The following CDH13 variants were observed in gnomAD, a reference collection of about 807,000 sequenced individuals.
The protein encoded by CDH13 is cadherin-13.
Under a neutral mutation model 63.8 loss-of-function variants are expected in CDH13, and 24 were observed. The ratio of observed to expected loss-of-function variants is 0.38; its 90% CI spans 0.27 to 0.53. The LOEUF is 0.53. Ranked by LOEUF, CDH13 falls within the 20% of genes least tolerant of loss-of-function variation. The pLI is 0.85. For synonymous variants in CDH13, 503 were observed against 355.3 expected (o/e 1.42, Z -4.67); for missense variants, 1,049 against 903.1 (o/e 1.16, Z -2.07).
chr16:83,726,133 G>C (rs1910355990), intron 10 of CDH13: 1 of 152,178 alleles, frequency 6.6e-6, no homozygotes, highest in African/African-American at 2.4e-5. Flanking sequence ...TCCCACAAGG[G>C]ATAATTTTAT....
intron 8 of CDH13, among the ~76,000 whole-genome samples, chr16:83,608,361 C>T (rs1394296380): frequency 1.3e-5 from 2 of 152,188 alleles, no homozygotes; most frequent in Non-Finnish European, 2.9e-5. Context: ...GAGCCATAGG[C>T]AGAAATTCAC....
chr16:83,690,912 G>A (rs1904792225), intron 10 of CDH13, among the ~76,000 whole-genome samples: 1 of 151,950 alleles, frequency 6.6e-6, no homozygotes, highest in Admixed American at 6.6e-5. Context: ...AATAAAGATG[G>A]GGCTTCACCA....
chr16:83,083,862 C>T (rs2033416388), intron 3 of CDH13, among the ~76,000 whole-genome samples: 1 of 152,166 alleles, frequency 6.6e-6, no homozygotes, highest in Non-Finnish European at 1.5e-5. Context: ...ATTTGCCTAT[C>T]CCAAGTTATG....
At chr16:82,882,855 A>T (rs775696503) in intron 2 of CDH13, among the ~76,000 whole-genome samples, 3 of 151,954 alleles carry the variant, frequency 2.0e-5, no homozygotes, top group Non-Finnish European at 4.4e-5. Context: ...CCTTCTTGGG[A>T]TATTAGGAGA....
intron 1 of CDH13, among the ~76,000 whole-genome samples, chr16:82,852,992 A>G (rs1721678020): frequency 6.6e-6 from 1 of 152,234 alleles, no homozygotes; most frequent in Non-Finnish European, 1.5e-5. Context: ...TTTCTTTTTA[A>G]GAAAGAACGA....
At chr16:83,202,517 A>G (rs542229047) in intron 4 of CDH13, among the ~76,000 whole-genome samples, 4 of 152,346 alleles carry the variant, frequency 2.6e-5, no homozygotes, top group South Asian at 2.1e-4. Context: ...CATCCTTCCA[A>G]TGAAGGCACA....
intron 7 of CDH13, among the ~76,000 whole-genome samples, chr16:83,512,646 C>T (rs1211807290): frequency 1.3e-5 from 2 of 148,972 alleles, no homozygotes; most frequent in African/African-American, 5.0e-5. Flanking sequence ...CCAGCCTTGG[C>T]AACAGAGTGA....
chr16:83,783,349 A>G lies in CDH13; in HGVS notation c.2011A>G (p.Asn671Asp), dbSNP rs1431065194. Reference protein sequence around the residue: ...VTDSGKPPMTNITDLRVQVCS... With the variant: ...VTDSGKPPMTDITDLRVQVCS... The stretch of plus-strand genomic sequence containing the variant: ...AGATTCAGGGAAACCACCCATGACG[A>G]ATATCACAGATCTCAGGGTACAAGT... Residue 671 changes from asparagine (N) to aspartate (D), a missense_variant, in exon 13 of 14, where the codon AAT (asparagine) becomes GAT (aspartate). By Grantham distance (23) the Asn-to-Asp change is conservative (BLOSUM62 1). Coordinates refer to ENST00000567109, the MANE Select transcript of CDH13 (RefSeq NM_001257.5). 1.9e-6 allele frequency: 3 copies of G among 1,613,866 alleles called. No individual in the cohort carries two copies. The highest frequency in any genetic ancestry group is 2.5e-6 in the Non-Finnish European group (3 of 1,179,864).
intron 6 of CDH13, among the ~76,000 whole-genome samples, chr16:83,406,832 C>T (rs1400631820): frequency 6.6e-6 from 1 of 152,116 alleles, no homozygotes; most frequent in African/African-American, 2.4e-5. Context: ...TTTTTTTTGT[C>T]TATCAATGAA....
At chr16:83,105,953 A>G (rs1286182187) in intron 3 of CDH13, among the ~76,000 whole-genome samples, 1 of 152,222 alleles carries the variant, frequency 6.6e-6, no homozygotes, top group Non-Finnish European at 1.5e-5. Flanking sequence ...TTTGGGCAAC[A>G]CAGATGTGGT....
At chr16:83,686,176 G>A (rs780232135) in intron 10 of CDH13, among the ~76,000 whole-genome samples, 8 of 152,178 alleles carry the variant, frequency 5.3e-5, no homozygotes, top group Non-Finnish European at 1.0e-4. Context: ...GTACCACTGC[G>A]CCTACTGCTG....
intron 7 of CDH13, chr16:83,508,425 C>G (rs944681318): frequency 1.9e-5 from 3 of 153,850 alleles, no homozygotes; most frequent in Non-Finnish European, 4.4e-5. Flanking sequence ...TGATGGCTCA[C>G]CCAGATCCCC....
intron 3 of CDH13, among the ~76,000 whole-genome samples, chr16:83,111,927 A>C (rs1211665729): frequency 6.6e-6 from 1 of 152,220 alleles, no homozygotes; most frequent in Admixed American, 6.5e-5. Context: ...ATACATATTT[A>C]GATCTAAGCC....
chr16:83,670,147 G>A (rs1180811563), intron 8 of CDH13, among the ~76,000 whole-genome samples: 24 of 152,182 alleles, frequency 1.6e-4, no homozygotes, highest in Admixed American at 1.6e-3. Flanking sequence ...AACTGGATAT[G>A]GAGTGGGAAG....
chr16:82,930,626 G>C (rs1384652677), intron 2 of CDH13, among the ~76,000 whole-genome samples: 1 of 152,020 alleles, frequency 6.6e-6, no homozygotes, highest in Non-Finnish European at 1.5e-5. Flanking sequence ...CTTTGCAGTC[G>C]AGGTTTGTAA....
intron 1 of CDH13, among the ~76,000 whole-genome samples, chr16:82,714,147 A>G (rs866036742): frequency 6.6e-6 from 1 of 152,144 alleles, no homozygotes; most frequent in African/African-American, 2.4e-5. Context: ...TTCTCCCAGC[A>G]GCCACAGGAC....
At chr16:83,073,802 A>G (rs1353765481) in intron 3 of CDH13, among the ~76,000 whole-genome samples, 1 of 152,076 alleles carries the variant, frequency 6.6e-6, no homozygotes, top group African/African-American at 2.4e-5. Flanking sequence ...AATATATATA[A>G]TATACAGTAC....
intron 6 of CDH13, among the ~76,000 whole-genome samples, chr16:83,427,800 A>G (rs2071958171): frequency 1.3e-5 from 2 of 152,310 alleles, no homozygotes; most frequent in South Asian, 2.1e-4. Context: ...AGAGTTGACA[A>G]GAGGCCACTT....
chr16:82,846,778 A>G (rs1006574374), intron 1 of CDH13, among the ~76,000 whole-genome samples: 15 of 152,252 alleles, frequency 9.9e-5, no homozygotes, highest in Non-Finnish European at 2.1e-4. Context: ...AGATAATAGA[A>G]ATGTTAAATT....
Sources: gnomAD v4.1 joint callset for allele counts (sites outside exome capture counted in the v4.1 genomes callset) on GRCh38, gnomAD v4.1.1 for gene constraint, MANE v1.5 for transcripts, NCBI Gene and HGNC (gene_info 2026-07-23, HGNC 2026-07-21) for gene names.